Variants in VAC14 observed in about 807,000 individuals in gnomAD.
The protein encoded by VAC14 is protein VAC14 homolog.
A neutral mutation model predicts 85.3 loss-of-function variants in VAC14; 47 were observed. That is an observed-to-expected ratio of 0.55 (90% CI 0.44 to 0.70). The LOEUF is 0.70. VAC14 is among the 30% of genes least tolerant of loss of function. The probability of loss-of-function intolerance (pLI) is 0.00; values close to 1 mark genes in which losing one functional copy is unlikely to be tolerated. For missense variants in VAC14, 861 were observed against 1,004.3 expected (o/e 0.86, Z 1.93); for synonymous variants, 447 against 430.5 (o/e 1.04, Z -0.47).
rs144822178 is a variant in VAC14, at chr16:70,783,537, C to T, written c.612G>A (p.Ser204=). ...AATCCAGCAGGTTAATGTCTGGCAC[C>T]GACTCCAGAACCAGGATCTGACCAG... ...FIISWILVLE[S]VPDINLLDYL... The change falls in exon 6 of 19, where the codon TCG becomes TCA. Residue 204 remains serine, a synonymous_variant. Coordinates refer to ENST00000261776, the MANE Select transcript of VAC14 (RefSeq NM_018052.5). 3.2e-4 allele frequency: 521 copies of T among 1,613,794 alleles called. 3 individuals are homozygous for T. In the African/African-American group the frequency reaches 5.7e-3, roughly 18 times the overall value.
chr16:70,767,936 G>C (rs2032936799), intron 10 of VAC14, among the ~76,000 whole-genome samples: 1 of 152,238 alleles, frequency 6.6e-6, no homozygotes, highest in East Asian at 1.9e-4. Flanking sequence ...CCAGGCTGGA[G>C]TGCAGTGGTA....
intron 10 of VAC14, among the ~76,000 whole-genome samples, chr16:70,765,731 G>A (rs763641627): frequency 1.3e-5 from 2 of 152,138 alleles, no homozygotes; most frequent in Non-Finnish European, 2.9e-5. Context: ...ATCCTGGGAG[G>A]GGCAGCAGAA....
At chr16:70,749,753 C>T (rs1225695045) in intron 12 of VAC14, among the ~76,000 whole-genome samples, 3 of 152,220 alleles carry the variant, frequency 2.0e-5, no homozygotes, top group Non-Finnish European at 4.4e-5. Flanking sequence ...CTTCTGTGCC[C>T]CTCCAGTCCG....
chr16:70,789,693 T>C (rs1355452578), intron 1 of VAC14, among the ~76,000 whole-genome samples: 1 of 152,270 alleles, frequency 6.6e-6, no homozygotes, highest in Non-Finnish European at 1.5e-5. Context: ...GGATTTCAAA[T>C]GCCTTTGATG....
rs757831920 is a variant in VAC14, at chr16:70,773,430, T to C, written c.1097-1258A>G. 1.1e-4 allele frequency among the ~76,000 whole-genome samples: 17 copies of C among 152,216 alleles called. 1 individual carries two copies. The highest frequency in any genetic ancestry group is 5.9e-5 in the Non-Finnish European group (4 of 68,044). The stretch of plus-strand genomic sequence containing the variant: ...GGAATAACCTTTAAATTCCAACCTT[T>C]TTCTTTTGGCATCTAATCAAGTTTC... On this transcript the variant is annotated intron_variant, in intron 9 of 18. Transcript: ENST00000261776.
chr16:70,767,334 A>T (rs2032896268), intron 10 of VAC14, among the ~76,000 whole-genome samples: 2 of 151,930 alleles, frequency 1.3e-5, no homozygotes, highest in African/African-American at 4.9e-5. Flanking sequence ...CTCTAATCAA[A>T]TCAGAAGAAA....
chr16:70,756,097 T>G (rs1436607130), intron 12 of VAC14: 1 of 456,322 alleles, frequency 2.2e-6, no homozygotes, highest in East Asian at 7.0e-5. Flanking sequence ...GGTAAGGGAG[T>G]ACATCTGTGG....
rs1242289338 is a variant in VAC14, at chr16:70,690,669, G to A, written c.2186+2152C>T. ...TGTTCCCAGCTCCAAGGCCTGCCCC[G>A]CAACTCGACCCTGTCTGCCAGCTGT... On this transcript the variant is annotated intron_variant, in intron 18 of 18. Transcript: ENST00000261776. 6 of 985,586 alleles carry A rather than the reference G, an allele frequency of 6.1e-6. No individual in the cohort carries two copies. In the East Asian group the frequency reaches 3.4e-4, roughly 56 times the overall value. The allele number at this position is 985,586 out of a possible 1,614,324, so 61.1% of individuals were successfully genotyped here.
chr16:70,704,025 C>A (rs1452506846), intron 14 of VAC14, among the ~76,000 whole-genome samples: 1 of 152,218 alleles, frequency 6.6e-6, no homozygotes, highest in Non-Finnish European at 1.5e-5. Context: ...GCCTTCGTGT[C>A]ACTGTCCCTC....
At chr16:70,755,744 G>A (rs2031787422) in intron 12 of VAC14, among the ~76,000 whole-genome samples, 1 of 152,230 alleles carries the variant, frequency 6.6e-6, no homozygotes, top group Non-Finnish European at 1.5e-5. Context: ...CGGGGGTGGT[G>A]GAGGGGCCGT....
At chr16:70,743,922 G>C (rs2030611916) in intron 13 of VAC14, among the ~76,000 whole-genome samples, 1 of 152,152 alleles carries the variant, frequency 6.6e-6, no homozygotes, top group Non-Finnish European at 1.5e-5. Context: ...GAGTGCTGGG[G>C]GTGCTACGGC....
intron 9 of VAC14, among the ~76,000 whole-genome samples, chr16:70,775,821 T>A (rs949898925): frequency 1.3e-5 from 2 of 152,240 alleles, no homozygotes; most frequent in Admixed American, 6.5e-5. Flanking sequence ...TTAATTTAGA[T>A]TGTCTCCAGA....
chr16:70,729,099 T>C (rs2054512771), intron 14 of VAC14, among the ~76,000 whole-genome samples: 1 of 152,242 alleles, frequency 6.6e-6, no homozygotes, highest in South Asian at 2.1e-4. Flanking sequence ...AGGGGACCTC[T>C]GGCAATGTTT....
At chr16:70,761,028 G>T (rs879475324) in intron 12 of VAC14, 7,701 of 257,952 alleles carry the variant, frequency 0.03, 359 homozygotes, top group Non-Finnish European at 0.037. Context: ...TGCATGGGGG[G>T]GCGGGGGGTA....
intron 4 of VAC14, 90 bp from the exon 5 acceptor site, chr16:70,784,310 C>T: frequency 3.9e-6 from 4 of 1,031,522 alleles, no homozygotes; most frequent in Non-Finnish European, 5.9e-6. Context: ...GGCTCCAGCG[C>T]TCAGGCGGCC....
At chr16:70,705,517 G>A (rs2053904253) in intron 14 of VAC14, among the ~76,000 whole-genome samples, 1 of 152,242 alleles carries the variant, frequency 6.6e-6, no homozygotes, top group Non-Finnish European at 1.5e-5. Flanking sequence ...CCCTCCCAGG[G>A]GCCTCTGACA....
At chr16:70,785,601 G>A in intron 3 of VAC14, 101 bp downstream of exon 3, 1 of 1,378,590 alleles carries the variant, frequency 7.3e-7, no homozygotes, top group Non-Finnish European at 9.7e-7. Context: ...ATGCTTGTTT[G>A]CTCTGCTTGC....
intron 13 of VAC14, among the ~76,000 whole-genome samples, chr16:70,738,490 T>C (rs1227976222): frequency 6.6e-6 from 1 of 152,058 alleles, no homozygotes; most frequent in African/African-American, 2.4e-5. Flanking sequence ...AGAGGTCATA[T>C]AGCAGTCTGC....
In VAC14 at chr16:70,762,458, C is replaced by G; in HGVS notation, c.1371+82G>C. On this transcript the variant is annotated intron_variant, in intron 12 of 18. Coordinates refer to ENST00000261776, the MANE Select transcript of VAC14 (RefSeq NM_018052.5). This position sits in a 1 kb window ranked among gnomAD's most constrained non-coding sequence, Gnocchi z 4.1. The stretch of plus-strand genomic sequence containing the variant: ...TACCTCTAGGAAGGATGCACTGTAC[C>G]AAAATAAGCATATCTCAGTCACTAA... The G allele has an allele frequency of 7.1e-7, 1 of 1,399,784 alleles. No homozygotes were observed. Among genetic ancestry groups the G allele is most frequent in the Non-Finnish European group, 1.0e-6 (1 of 996,492 alleles). 86.7% of individuals were successfully genotyped at this position (1,399,784 alleles called of 1,614,324 possible).
Sources: gnomAD v4.1 joint callset for allele counts (sites outside exome capture counted in the v4.1 genomes callset) on GRCh38, gnomAD v4.1.1 for gene constraint, Gnocchi (gnomAD v3.1) non-coding constraint, MANE v1.5 for transcripts, NCBI Gene and HGNC (gene_info 2026-07-23, HGNC 2026-07-21) for gene names.